DDX10: variants seen among roughly 807,000 people sequenced by gnomAD.
The protein encoded by DDX10 is probable ATP-dependent RNA helicase DDX10.
DDX10 carries 74 observed loss-of-function variants against 104.3 expected under a neutral mutation model. The ratio of observed to expected loss-of-function variants is 0.71; its 90% CI spans 0.59 to 0.86. The LOEUF is 0.86. Among genes scored for constraint, DDX10 ranks in the 40% least tolerant of loss-of-function variants. DDX10 has a pLI of 0.00. For missense variants in DDX10, 952 were observed against 1,040.0 expected, an observed-to-expected ratio of 0.92 and a Z score of 1.16; for synonymous variants, 351 against 353.4, an observed-to-expected ratio of 0.99 and a Z score of 0.08.
rs763385721 is a variant in DDX10 at position 108,665,119 on chromosome 11, TGGGGTTGATCCGAGCTGTC to T, written c.-33_-15del. 9 of 1,581,804 alleles carry T rather than the reference TGGGGTTGATCCGAGCTGTC, an allele frequency of 5.7e-6. No individual in the cohort carries two copies. Among genetic ancestry groups the T allele is most frequent in the Middle Eastern group, 3.4e-4 (2 of 5,844 alleles). ...AGTCTGGCCTTAGGTGTCTCGTGTCTGGGGTTGATCCGAGCTGTCGCCGCCGCCGCCGCAATGGGCAAAA... is the reference window on the plus strand; with the variant it reads ...AGTCTGGCCTTAGGTGTCTCGTGTCTGCCGCCGCCGCCGCAATGGGCAAAA... On this transcript the variant is annotated 5_prime_UTR_variant, in exon 1 of 18. Transcript: ENST00000322536.
At chr11:108,808,954 TG>T (rs1486972319) in intron 13 of DDX10, among the ~76,000 whole-genome samples, 1 of 152,188 alleles carries the variant, frequency 6.6e-6, no homozygotes, top group Admixed American at 6.5e-5. Context: ...TCTGTAGTAT[TG>T]ATGTCTATAT....
chr11:108,677,860 C>T (rs533698398), intron 4 of DDX10, among the ~76,000 whole-genome samples: 1 of 151,968 alleles, frequency 6.6e-6, no homozygotes, highest in Admixed American at 6.6e-5. Context: ...TTTTTCCCAC[C>T]GCCTCCAGGA....
chr11:108,724,923 G>C (rs899353759), intron 13 of DDX10, among the ~76,000 whole-genome samples: 2 of 151,920 alleles, frequency 1.3e-5, no homozygotes, highest in African/African-American at 4.8e-5. Context: ...GCAAATGTAT[G>C]GTGTTGTGTA....
chr11:108,731,041 GC>G (rs2094311499), intron 13 of DDX10, among the ~76,000 whole-genome samples: 1 of 151,342 alleles, frequency 6.6e-6, no homozygotes, highest in South Asian at 2.1e-4. Flanking sequence ...AAATAGAAAG[GC>G]TAATTGCCGT....
At chr11:108,665,629 G>T (rs533595649) in intron 1 of DDX10, among the ~76,000 whole-genome samples, 1 of 152,212 alleles carries the variant, frequency 6.6e-6, no homozygotes, top group South Asian at 2.1e-4. Context: ...GACAATAGTG[G>T]TAATAATGAC....
chr11:108,822,451 T>C (rs1488628693), intron 13 of DDX10: 5 of 364,640 alleles, frequency 1.4e-5, no homozygotes, highest in Non-Finnish European at 2.7e-5. Context: ...CTCCAAATAG[T>C]GCATCAGTGT....
intron 4 of DDX10, 83 bp from the exon 5 acceptor site, chr11:108,678,232 C>T: frequency 7.3e-7 from 1 of 1,361,180 alleles, no homozygotes; most frequent in Non-Finnish European, 9.9e-7. Context: ...ATGAAATGCC[C>T]ATGCAGATGG....
chr11:108,672,841 A>G (rs2094218800), intron 1 of DDX10, among the ~76,000 whole-genome samples: 1 of 152,272 alleles, frequency 6.6e-6, no homozygotes, highest in African/African-American at 2.4e-5. Context: ...ATATTTGAAT[A>G]ATGTAAAGTT....
At chr11:108,838,104 T>G (rs895277176) in intron 13 of DDX10, among the ~76,000 whole-genome samples, 23 of 150,664 alleles carry the variant, frequency 1.5e-4, no homozygotes, top group African/African-American at 5.7e-4. Context: ...TGTATGAAAT[T>G]TTGACTGGAA....
intron 17 of DDX10, among the ~76,000 whole-genome samples, chr11:108,924,231 A>G (rs557514977): frequency 3.9e-5 from 6 of 152,182 alleles, no homozygotes; most frequent in African/African-American, 1.4e-4. Context: ...TGATGATTCA[A>G]CTCTTACTAC....
At position 108,940,530 on chromosome 11, in the gene DDX10, C is replaced by G. The variant is rs1262748165; in HGVS notation, c.*107C>G. On this transcript the variant is annotated 3_prime_UTR_variant, in exon 18 of 18. Transcript: ENST00000322536. Reference sequence around the variant, plus strand: ...CACTTAGGTACCATATGCCCCATTCCCAAAGGGCACATTTCTGGATAGAAG... The same window carrying G: ...CACTTAGGTACCATATGCCCCATTCGCAAAGGGCACATTTCTGGATAGAAG... 9.3e-7 allele frequency: 1 copy of G among 1,077,348 alleles called. No homozygotes were observed. Among genetic ancestry groups the G allele is most frequent in the African/African-American group, 1.6e-5 (1 of 63,234 alleles). The allele number at this position is 1,077,348 out of a possible 1,614,324, so 66.7% of individuals were successfully genotyped here.
At chr11:108,770,496 TC>T (rs1259407085) in intron 13 of DDX10, among the ~76,000 whole-genome samples, 1 of 26,432 alleles carries the variant, frequency 3.8e-5, no homozygotes, top group Non-Finnish European at 8.7e-5. Flanking sequence ...CCCTCCCCCC[TC>T]CCCCCTGCAC....
chr11:108,899,070 C>T (rs1181505553), intron 16 of DDX10, among the ~76,000 whole-genome samples: 2 of 152,190 alleles, frequency 1.3e-5, no homozygotes, highest in Non-Finnish European at 2.9e-5. Context: ...TTCAGAATTT[C>T]AGCTGCAACT....
chr11:108,715,878 GAATC>G lies in DDX10; in HGVS notation c.1327_1330del (p.Asn443GlnfsTer5). 2 of 1,446,664 alleles carry G rather than the reference GAATC, an allele frequency of 1.4e-6. No individual in the cohort carries two copies. The highest frequency in any genetic ancestry group is 1.9e-6 in the Non-Finnish European group (2 of 1,036,680). The allele number at this position is 1,446,664 out of a possible 1,614,324, so 89.6% of individuals were successfully genotyped here. On this transcript the variant is annotated frameshift_variant and splice_region_variant, in exon 11 of 18. Transcript: ENST00000322536. LOFTEE classifies it high-confidence loss of function. ...TTAACCTTTATCTTTTTGTTACAAA[GAATC>G]AATCCAGAAAAACTTATAGATGTCC...
At chr11:108,729,271 T>A (rs1180711426) in intron 13 of DDX10, among the ~76,000 whole-genome samples, 1 of 152,152 alleles carries the variant, frequency 6.6e-6, no homozygotes, top group South Asian at 2.1e-4. Flanking sequence ...TATGCCGCTC[T>A]TATTGAAGGA....
At chr11:108,688,005 A>G (rs1465786519) in intron 6 of DDX10, among the ~76,000 whole-genome samples, 1 of 152,152 alleles carries the variant, frequency 6.6e-6, no homozygotes, top group East Asian at 1.9e-4. Context: ...TTTCCTTAAC[A>G]GTGTGTCCTA....
At chr11:108,926,040 GA>G (rs1343834410) in intron 17 of DDX10, among the ~76,000 whole-genome samples, 3 of 152,204 alleles carry the variant, frequency 2.0e-5, no homozygotes, top group Non-Finnish European at 4.4e-5. Flanking sequence ...GATTGAGAGA[GA>G]AGTGGATGGG....
intron 16 of DDX10, among the ~76,000 whole-genome samples, chr11:108,888,291 G>A (rs763521800): frequency 6.6e-5 from 10 of 152,154 alleles, no homozygotes; most frequent in Admixed American, 1.3e-4. Context: ...TTTATTGGTA[G>A]CATGTCTGCA....
At chr11:108,712,589 C>G (rs376999639) in intron 10 of DDX10, among the ~76,000 whole-genome samples, 2 of 152,142 alleles carry the variant, frequency 1.3e-5, no homozygotes, top group East Asian at 1.9e-4. Flanking sequence ...ATTTCTCCCT[C>G]GTGTCCCTTA....
Sources: gnomAD v4.1 joint callset for allele counts (sites outside exome capture counted in the v4.1 genomes callset) on GRCh38, gnomAD v4.1.1 for gene constraint, MANE v1.5 for transcripts, NCBI Gene and HGNC (gene_info 2026-07-23, HGNC 2026-07-21) for gene names.